The following AVPR2 variants were observed in gnomAD, a reference collection of about 807,000 sequenced individuals.
AVPR2 encodes the protein arginine vasopressin receptor 2.
Under a neutral mutation model 12.0 loss-of-function variants are expected in AVPR2, and 3 were observed. That is an observed-to-expected ratio of 0.25 (90% CI 0.11 to 0.64). The LOEUF (loss-of-function observed/expected upper bound fraction) is 0.64. AVPR2 is among the 30% of genes least tolerant of loss of function. AVPR2 has a pLI of 0.84. For missense variants in AVPR2, 279 were observed against 347.9 expected (o/e 0.80, Z 1.58); for synonymous variants, 143 against 147.5 (o/e 0.97, Z 0.22).
rs200862844 is a variant in AVPR2 at position 153,906,165 on chromosome X, G to T, written c.659G>T (p.Gly220Val). 14 of 1,211,183 alleles carry T rather than the reference G, an allele frequency of 1.2e-5. No individual in the cohort carries two copies. The highest frequency in any genetic ancestry group is 1.6e-5 in the Non-Finnish European group (14 of 895,412). The change falls in exon 3 of 4, where the codon GGT becomes GTT. Residue 220 changes from glycine to valine, a missense_variant. Transcript: ENST00000646375. The stretch of plus-strand genomic sequence containing the variant: ...ATGGTGTTCGTGGCACCTACCCTGG[G>T]TATCGCCGCCTGCCAGGTGCTCATC... Reference protein sequence around the residue: ...ALMVFVAPTLGIAACQVLIFR... With the variant: ...ALMVFVAPTLVIAACQVLIFR...
chrX:153,905,551 T>TCTGCCCAGC lies in AVPR2; in HGVS notation c.55_63dup (p.Leu19_Ser21dup), dbSNP rs782021693. On this transcript the variant is annotated inframe_insertion, in exon 3 of 4. Coordinates refer to ENST00000646375, the MANE Select transcript of AVPR2 (RefSeq NM_000054.7). Reference sequence around the variant, plus strand: ...TCCCAGCTGTGCCTGGGCATCCCTCTCTGCCCAGCCTGCCCAGCAACAGCA... The same window carrying TCTGCCCAGC: ...TCCCAGCTGTGCCTGGGCATCCCTCTCTGCCCAGCCTGCCCAGCCTGCCCAGCAACAGCA... 1.7e-6 allele frequency: 2 copies of TCTGCCCAGC among 1,194,021 alleles called. No individual in the cohort carries two copies. Among genetic ancestry groups the TCTGCCCAGC allele is most frequent in the African/African-American group, 3.5e-5 (2 of 56,998 alleles).
Position 153,906,304 on chromosome X carries a change from G to A in AVPR2, c.798G>A (p.Val266=), listed in dbSNP as rs1223883589. ...PGEGAHVSAA[V]AKTVRMTLVI... The stretch of plus-strand genomic sequence containing the variant: ...AGGGAGCCCACGTGTCAGCAGCTGT[G>A]GCCAAGACTGTGAGGATGACGCTAG... The change falls in exon 3 of 4, where the codon GTG becomes GTA. Residue 266 remains valine, a synonymous_variant. Transcript: ENST00000646375. 2 of 1,210,974 alleles carry A rather than the reference G, an allele frequency of 1.7e-6. No homozygotes were observed. The highest frequency in any genetic ancestry group is 3.0e-5 in the East Asian group (1 of 33,779).
rs782069257 is a variant in AVPR2, at chrX:153,904,729, G to T, written c.-215G>T. The T allele has an allele frequency of 1.1e-5, 3 of 265,637 alleles. No individual in the cohort carries two copies. In the East Asian group the frequency reaches 2.6e-4, roughly 23 times the overall value. The allele number at this position is 265,637 out of a possible 1,213,427, so 21.9% of individuals were successfully genotyped here. A position where few individuals can be genotyped will look rare whatever the true frequency, so the allele number is the denominator to read the frequency against. On this transcript the variant is annotated 5_prime_UTR_variant, in exon 1 of 4. Coordinates refer to ENST00000646375, the MANE Select transcript of AVPR2 (RefSeq NM_000054.7). ...GATGGAGAGCAGATCTGAGCACCCA[G>T]CCACCTTCACGCCACCGCCCAGCTG...
intron 2 of AVPR2, among the ~76,000 whole-genome samples, 164 bp from the exon 3 acceptor site, chrX:153,905,368 G>C (rs2064954957): frequency 8.9e-6 from 1 of 112,772 alleles, no homozygotes; most frequent in Non-Finnish European, 1.9e-5. Context: ...CTTCCTTCTG[G>C]ACTGCATGAG....
At chrX:153,905,196 G>A (rs1557100311) in intron 2 of AVPR2, 26 bp downstream of exon 2, 9 of 1,210,940 alleles carry the variant, frequency 7.4e-6, no homozygotes, top group Middle Eastern at 2.3e-4. Flanking sequence ...CCATGAGTCC[G>A]GTGGGCAGAG....
At position 153,906,519 on chromosome X, in the gene AVPR2, A is replaced by C; in HGVS notation, c.911-4A>C. On this transcript the variant is annotated splice_polypyrimidine_tract_variant and splice_region_variant and intron_variant, in intron 3 of 3. Transcript: ENST00000646375. Reference sequence around the variant, plus strand: ...AACCCAACCTAGATCCTCCACCTCCACAGGGGCGCCCTTTGTGCTACTCAT... The same window carrying C: ...AACCCAACCTAGATCCTCCACCTCCCCAGGGGCGCCCTTTGTGCTACTCAT... 4.1e-6 allele frequency: 5 copies of C among 1,208,147 alleles called. No homozygotes were observed. The highest frequency in any genetic ancestry group is 5.6e-6 in the Non-Finnish European group (5 of 893,703).
chrX:153,904,661 C>T, upstream of AVPR2: 1 of 159,767 alleles, frequency 6.3e-6, no homozygotes, highest in South Asian at 1.2e-4. Context: ...CCCTCCTGGC[C>T]AGGTCACTCC....
chrX:153,902,706 C>T (rs894359088), upstream of AVPR2: 2 of 329,868 alleles, frequency 6.1e-6, no homozygotes, highest in Non-Finnish European at 1.2e-5. Context: ...GACCGCCATG[C>T]GGGCCCTTCC....
chrX:153,906,344 T>C lies in AVPR2; in HGVS notation c.838T>C (p.Tyr280His). 1 of 1,212,025 alleles carries C rather than the reference T, an allele frequency of 8.3e-7. No homozygotes were observed. The highest frequency in any genetic ancestry group is 3.0e-5 in the East Asian group (1 of 33,830). ...VRMTLVIVVV[Y>H]VLCWAPFFLV... is the part of the protein sequence containing the mutation. ...GATGACGCTAGTGATTGTGGTCGTC[T>C]ATGTGCTGTGCTGGGCACCCTTCTT... Residue 280 changes from tyrosine (Y) to histidine (H), a missense_variant, in exon 3 of 4, where the codon TAT becomes CAT. Tyr to His is a moderately conservative substitution (Grantham distance 83, BLOSUM62 2). Coordinates refer to ENST00000646375, the MANE Select transcript of AVPR2 (RefSeq NM_000054.7).
rs1461467907 is a variant in AVPR2, at chrX:153,907,093, C to T, written c.*365C>T. On this transcript the variant is annotated 3_prime_UTR_variant, in exon 4 of 4. Transcript: ENST00000646375. ...GAAGGACCAGGCTGGGGCCAGGGGACCTTCCTGTCTCCGCCTTTCTAATCC... is the reference window on the plus strand; with the variant it reads ...GAAGGACCAGGCTGGGGCCAGGGGATCTTCCTGTCTCCGCCTTTCTAATCC... 1 of 399,793 alleles carries T rather than the reference C, an allele frequency of 2.5e-6. No individual in the cohort carries two copies. The highest frequency in any genetic ancestry group is 4.6e-6 in the Non-Finnish European group (1 of 215,764). The allele number at this position is 399,793 out of a possible 1,213,427, so 32.9% of individuals were successfully genotyped here.
intron 2 of AVPR2, 72 bp from the exon 3 acceptor site, chrX:153,905,460 C>T: frequency 9.5e-7 from 1 of 1,055,082 alleles, no homozygotes; most frequent in African/African-American, 1.8e-5. Flanking sequence ...CGGATGGGGG[C>T]ACGGGAGGCA....
Position 153,905,175 on chromosome X carries a change from G to A in AVPR2, c.25+5G>A, listed in dbSNP as rs1557100308. On this transcript the variant is annotated splice_donor_5th_base_variant and intron_variant, in intron 2 of 3. Transcript: ENST00000646375. ...TCATGGCGTCCACCACTTCCGGTAA[G>A]GCTTGCCCCTCCATGAGTCCGGTGG... is the stretch of plus-strand genomic sequence containing the variant. 1 of 1,212,075 alleles carries A rather than the reference G, an allele frequency of 8.3e-7. No individual in the cohort carries two copies. Among genetic ancestry groups the A allele is most frequent in the East Asian group, 3.0e-5 (1 of 33,839 alleles).
Position 153,905,075 on chromosome X carries a change from C to G in AVPR2, c.-71C>G. The G allele has an allele frequency of 8.4e-7, 1 of 1,197,092 alleles. No individual in the cohort carries two copies. The highest frequency in any genetic ancestry group is 1.1e-6 in the Non-Finnish European group (1 of 881,802). ...AGTCCAGAGACCCTGGGCCATTGAA[C>G]TTGCTCCTCAGGCAGAGGCTGAGTC... On this transcript the variant is annotated 5_prime_UTR_variant, in exon 2 of 4. Transcript: ENST00000646375.
rs1307389853 is a variant in AVPR2 at position 153,905,129 on chromosome X, C to T, written c.-17C>T. The T allele has an allele frequency of 5.0e-6, 6 of 1,210,876 alleles. No individual in the cohort carries two copies. Among genetic ancestry groups the T allele is most frequent in the Non-Finnish European group, 6.7e-6 (6 of 895,250 alleles). On this transcript the variant is annotated 5_prime_UTR_variant, in exon 2 of 4. Transcript: ENST00000646375. ...ACATCACCTCCAGGCCCTCAGAACA[C>T]CTGCCCCAGCCCCACCATGCTCATG...
chrX:153,905,990 G>A lies in AVPR2; in HGVS notation c.484G>A (p.Val162Met). ...GGCTCACTGGAACCGGCCGGTGCTAGTGGCTTGGGCCTTCTCGCTCCTTCT... is the reference window on the plus strand; with the variant it reads ...GGCTCACTGGAACCGGCCGGTGCTAATGGCTTGGGCCTTCTCGCTCCTTCT... ...SGAHWNRPVL[V>M]AWAFSLLLSL... is the part of the protein sequence containing the mutation. The change falls in exon 3 of 4, where the codon GTG becomes ATG. Residue 162 changes from valine to methionine, a missense_variant. Transcript: ENST00000646375. The A allele has an allele frequency of 1.7e-6, 2 of 1,204,631 alleles. No homozygotes were observed. The highest frequency in any genetic ancestry group is 3.0e-5 in the East Asian group (1 of 33,881).
Position 153,906,121 on chromosome X carries a change from T to C in AVPR2, c.615T>C (p.Tyr205=), listed in dbSNP as rs2148514709. The C allele has an allele frequency of 1.6e-6, 2 of 1,212,404 alleles. No homozygotes were observed. Among genetic ancestry groups the C allele is most frequent in the Admixed American group, 2.2e-5 (1 of 46,156 alleles). The change falls in exon 3 of 4, where the codon TAT becomes TAC. Residue 205 remains tyrosine (Y), a synonymous_variant. Transcript: ENST00000646375. ...CGGAGCCCTGGGGCCGTCGCACCTA[T>C]GTCACCTGGATTGCCCTGATGGTGT... The part of the protein sequence containing the change: ...CFAEPWGRRT[Y]VTWIALMVFV...
Position 153,906,688 on chromosome X carries a change from C to A in AVPR2, c.1076C>A (p.Thr359Asn), listed in dbSNP as rs782422176. 1 of 1,212,098 alleles carries A rather than the reference C, an allele frequency of 8.3e-7. No homozygotes were observed. Among genetic ancestry groups the A allele is most frequent in the South Asian group, 1.8e-5 (1 of 57,035 alleles). The change falls in exon 4 of 4, where the codon ACC becomes AAC. Residue 359 changes from threonine to asparagine, a missense_variant. Physicochemically the swap from Thr to Asn is moderately conservative, Grantham distance 65. Transcript: ENST00000646375. ...CTGGGTCCCCAAGATGAGTCCTGCA[C>A]CACCGCCAGCTCCTCCCTGGCCAAG... The part of the protein sequence containing the change: ...PSLGPQDESC[T>N]TASSSLAKDT...
upstream of AVPR2, among the ~76,000 whole-genome samples, chrX:153,904,365 G>A (rs1290889071): frequency 8.9e-6 from 1 of 112,929 alleles, no homozygotes; most frequent in African/African-American, 3.2e-5. Context: ...ACTTGGGAAG[G>A]GGGCGTGAAG....
upstream of AVPR2, among the ~76,000 whole-genome samples, chrX:153,903,701 G>A (rs2064945214): frequency 8.9e-6 from 1 of 111,894 alleles, no homozygotes; most frequent in Non-Finnish European, 1.9e-5. Flanking sequence ...CTCTGGGCAG[G>A]AAGAGGAGGC....
Sources: gnomAD v4.1 joint callset for allele counts (sites outside exome capture counted in the v4.1 genomes callset) on GRCh38, gnomAD v4.1.1 for gene constraint, MANE v1.5 for transcripts, NCBI Gene and HGNC (gene_info 2026-07-23, HGNC 2026-07-21) for gene names.